Variants in P4HA1 observed in about 807,000 individuals in gnomAD.
P4HA1 encodes the protein prolyl 4-hydroxylase subunit alpha 1.
In P4HA1, 24 loss-of-function variants were observed where a neutral mutation model predicts 72.8. That is an observed-to-expected ratio of 0.33 (90% confidence interval 0.24 to 0.46). P4HA1 has a LOEUF of 0.46. Among genes scored for constraint, P4HA1 ranks in the 20% least tolerant of loss-of-function variants. The pLI, the probability that P4HA1 is intolerant of heterozygous loss-of-function variation, is 1.00. For synonymous variants in P4HA1, 201 were observed against 218.8 expected (o/e 0.92, Z 0.72); for missense variants, 446 against 640.6 (o/e 0.70, Z 3.28).
chr10:73,045,894 A>C (rs762246837), intron 8 of P4HA1, among the ~76,000 whole-genome samples: 5 of 151,104 alleles, frequency 3.3e-5, no homozygotes, highest in Non-Finnish European at 4.4e-5. Flanking sequence ...AAAACCACCA[A>C]TTTGGAGAAG....
intron 1 of P4HA1, among the ~76,000 whole-genome samples, chr10:73,081,418 A>G (rs1199562692): frequency 1.3e-5 from 2 of 152,186 alleles, no homozygotes; most frequent in Admixed American, 1.3e-4. Flanking sequence ...ATACATGTAT[A>G]TTACTTATAA....
At chr10:73,085,126 G>A (rs1841899640) in intron 1 of P4HA1, among the ~76,000 whole-genome samples, 1 of 151,352 alleles carries the variant, frequency 6.6e-6, no homozygotes, top group Non-Finnish European at 1.5e-5. Flanking sequence ...GGGTGACAGA[G>A]TGAGTCCATC....
At chr10:73,094,185 C>T (rs1842113910) in intron 1 of P4HA1, among the ~76,000 whole-genome samples, 1 of 151,982 alleles carries the variant, frequency 6.6e-6, no homozygotes, top group South Asian at 2.1e-4. Flanking sequence ...AGCATTTCAA[C>T]AATTCTAACA....
intron 5 of P4HA1, among the ~76,000 whole-genome samples, chr10:73,064,239 T>G (rs1298551979): frequency 6.6e-6 from 1 of 151,476 alleles, no homozygotes; most frequent in Non-Finnish European, 1.5e-5. Context: ...GGCTGCGGGG[T>G]GCGGGGGGGT....
chr10:73,095,086 C>G (rs1842131673), intron 1 of P4HA1, among the ~76,000 whole-genome samples: 1 of 152,078 alleles, frequency 6.6e-6, no homozygotes, highest in Non-Finnish European at 1.5e-5. Flanking sequence ...AAAACAATGG[C>G]AGGACTTAAG....
chr10:73,049,481 A>T (rs576700871), intron 7 of P4HA1, among the ~76,000 whole-genome samples: 4 of 152,350 alleles, frequency 2.6e-5, no homozygotes, highest in Admixed American at 2.0e-4. Context: ...GAAAGAATGT[A>T]TATCATATCA....
At chr10:73,074,668 A>G in intron 2 of P4HA1, 140 bp downstream of exon 2, 1 of 583,950 alleles carries the variant, frequency 1.7e-6, no homozygotes, top group Non-Finnish European at 3.1e-6. Flanking sequence ...TCAAATTATT[A>G]AAAAAGGACC....
chr10:73,028,427 GTTTA>G (rs758066793), intron 10 of P4HA1, among the ~76,000 whole-genome samples: 148 of 151,842 alleles, frequency 9.7e-4, no homozygotes, highest in Non-Finnish European at 1.8e-3. Context: ...TAAATTAACA[GTTTA>G]TTTATTTATT....
intron 1 of P4HA1, among the ~76,000 whole-genome samples, chr10:73,086,840 A>G (rs1011907890): frequency 6.8e-6 from 1 of 147,912 alleles, no homozygotes; most frequent in African/African-American, 2.5e-5. Context: ...AGGCTGAGGC[A>G]GGAGAATTGC....
At chr10:73,083,421 A>T (rs1022403563) in intron 1 of P4HA1, among the ~76,000 whole-genome samples, 1 of 152,192 alleles carries the variant, frequency 6.6e-6, no homozygotes, top group African/African-American at 2.4e-5. Context: ...ATAATTCCAA[A>T]TGAAAAGCAT....
In P4HA1 at chr10:73,029,240, C is replaced by T. The variant is rs189286686; in HGVS notation, c.1248+1031G>A. 4.0e-3 allele frequency among the ~76,000 whole-genome samples: 608 copies of T among 151,668 alleles called. 2 individuals are homozygous for T. Among genetic ancestry groups the T allele is most frequent in the Non-Finnish European group, 6.8e-3 (463 of 67,906 alleles). On this transcript the variant is annotated intron_variant, in intron 10 of 14. Coordinates refer to ENST00000394890, the MANE Select transcript of P4HA1 (RefSeq NM_001017962.3). ...CAGCCTGGCCAACATGGTGAAACCCCGTCTCTACTAAAAATACAAAATTAG... is the reference window on the plus strand; with the variant it reads ...CAGCCTGGCCAACATGGTGAAACCCTGTCTCTACTAAAAATACAAAATTAG...
rs769105870 is a variant in P4HA1, at chr10:73,053,606, A to G, written c.464-16T>C. 2 of 1,609,918 alleles carry G rather than the reference A, an allele frequency of 1.2e-6. No homozygotes were observed. Among genetic ancestry groups the G allele is most frequent in the Non-Finnish European group, 1.7e-6 (2 of 1,177,986 alleles). ...TGTTTCACTCCTATGAAAAGAAAAT[A>G]CAGAGAACTTTAGGAATCTTAACAC... On this transcript the variant is annotated splice_polypyrimidine_tract_variant and intron_variant, in intron 5 of 14. Coordinates refer to ENST00000394890, the MANE Select transcript of P4HA1 (RefSeq NM_001017962.3).
chr10:73,050,567 G>A (rs963549456), intron 7 of P4HA1, among the ~76,000 whole-genome samples: 1 of 151,928 alleles, frequency 6.6e-6, no homozygotes, highest in African/African-American at 2.4e-5. Context: ...GGGTATGGTG[G>A]CGGGCACCTG....
chr10:73,027,148 C>T (rs1201518278), intron 10 of P4HA1, among the ~76,000 whole-genome samples: 1 of 152,122 alleles, frequency 6.6e-6, no homozygotes, highest in Non-Finnish European at 1.5e-5. Flanking sequence ...CACATATACA[C>T]GTATGTTTAC....
intron 9 of P4HA1, among the ~76,000 whole-genome samples, chr10:73,043,628 A>G (rs918642106): frequency 3.3e-5 from 5 of 152,204 alleles, no homozygotes; most frequent in South Asian, 2.1e-4. Flanking sequence ...TTAGTTCAAT[A>G]TGAGAACACA....
chr10:73,009,055 A>G (rs1458590549), intron 14 of P4HA1, among the ~76,000 whole-genome samples: 2 of 152,102 alleles, frequency 1.3e-5, no homozygotes, highest in Non-Finnish European at 2.9e-5. Flanking sequence ...CAGCTTTCTA[A>G]ACTCTCTCTC....
intron 5 of P4HA1, among the ~76,000 whole-genome samples, chr10:73,064,889 A>C (rs142789057): frequency 2.6e-5 from 4 of 151,554 alleles, no homozygotes; most frequent in African/African-American, 9.8e-5. Flanking sequence ...AAACTGAGAG[A>C]GACATCATCC....
chr10:73,045,405 A>AG (rs1421786173), intron 8 of P4HA1, among the ~76,000 whole-genome samples: 1 of 152,068 alleles, frequency 6.6e-6, no homozygotes, highest in African/African-American at 2.4e-5. Context: ...TGGGGAGAGA[A>AG]GGGGAAAAAA....
At chr10:73,040,238 A>C (rs1840700483) in intron 9 of P4HA1, among the ~76,000 whole-genome samples, 1 of 152,128 alleles carries the variant, frequency 6.6e-6, no homozygotes, top group Admixed American at 6.5e-5. Context: ...TACCTTTCTC[A>C]AAAATCCAAT....
Sources: allele counts gnomAD v4.1 joint callset (sites outside exome capture counted in the v4.1 genomes callset), GRCh38; gene constraint gnomAD v4.1.1; transcripts MANE v1.5; gene names NCBI Gene and HGNC (gene_info 2026-07-23, HGNC 2026-07-21).